GPR35: variants seen among roughly 807,000 people sequenced by gnomAD.
The protein encoded by GPR35 is KYNA receptor.
For missense variants in GPR35, 372 were observed against 422.5 expected, an observed-to-expected ratio of 0.88 and a Z score of 1.05; for synonymous variants, 207 against 198.4, an observed-to-expected ratio of 1.04 and a Z score of -0.36.
At chr2:240,621,116 CCA>C (rs1377945615), upstream of GPR35, among the ~76,000 whole-genome samples, 10 of 152,212 alleles carry the variant, frequency 6.6e-5, no homozygotes, top group Non-Finnish European at 1.5e-5. Flanking sequence ...AACTGAGCCC[CCA>C]CACAGAGGAC....
chr2:240,630,507 CGTG>C lies in GPR35; in HGVS notation c.561_563del (p.Val188del), dbSNP rs2043430650. 6.2e-7 allele frequency: 1 copy of C among 1,612,856 alleles called. No homozygotes were observed. The highest frequency in any genetic ancestry group is 1.3e-5 in the African/African-American group (1 of 74,928). ...TGCTGGGATTCTACCTGCCCCTGGCCGTGGTGGTCTTCTGCTCCCTGAAGGTGG... is the reference window on the plus strand; with the variant it reads ...TGCTGGGATTCTACCTGCCCCTGGCCGTGGTCTTCTGCTCCCTGAAGGTGG... On this transcript the variant is annotated inframe_deletion, in exon 2 of 2. Transcript: ENST00000407714.
upstream of GPR35, among the ~76,000 whole-genome samples, chr2:240,623,092 C>G (rs1226561949): frequency 6.6e-6 from 1 of 152,188 alleles, no homozygotes; most frequent in Admixed American, 6.5e-5. Context: ...GACTGAGCAC[C>G]TGATATGTCC....
chr2:240,620,572 A>G (rs367823896), upstream of GPR35, among the ~76,000 whole-genome samples: 2 of 151,958 alleles, frequency 1.3e-5, no homozygotes, highest in East Asian at 1.9e-4. Context: ...GCCCCTCAGG[A>G]TCCCTTCCAG....
At chr2:240,616,037 G>A (rs1012216444) in intron 2 of GPR35, among the ~76,000 whole-genome samples, 2 of 152,160 alleles carry the variant, frequency 1.3e-5, no homozygotes, top group Non-Finnish European at 2.9e-5. Context: ...TGCCCCAGAC[G>A]GCACTTTCCA....
rs2043245011 is a variant in GPR35 at position 240,616,922 on chromosome 2, A to G, written c.-452-168A>G. 6.5e-6 allele frequency: 5 copies of G among 768,668 alleles called. No individual in the cohort carries two copies. The South Asian group carries it at 6.9e-5, about 11-fold the overall frequency. The allele number at this position is 768,668 out of a possible 1,614,324, so 47.6% of individuals were successfully genotyped here. ...AAGGAACTGAGGGCAGGAACCAGGG[A>G]AGATTTGGGGTCCTCAGGCCAGCTG... is the stretch of plus-strand genomic sequence containing the variant. On this transcript the variant is annotated intron_variant, in intron 3 of 5. Coordinates refer to the GPR35 transcript ENST00000319838.
In GPR35 at chr2:240,625,696, T is replaced by C. The variant is rs74987606; in HGVS notation, c.-5+128T>C. 8.0e-3 allele frequency: 1,621 copies of C among 203,850 alleles called. 12 individuals carry two copies. The highest frequency in any genetic ancestry group is 0.025 in the East Asian group (75 of 2,958). The allele number at this position is 203,850 out of a possible 1,614,324, so 12.6% of individuals were successfully genotyped here. On this transcript the variant is annotated intron_variant, in intron 1 of 1. Coordinates refer to ENST00000407714, the MANE Select transcript of GPR35 (RefSeq NM_005301.5). ...GCTATGATGGGGTCTCAGAGTGGGG[T>C]GAGGCTGTGACGGGGGTTCTCAGAG...
intron 2 of GPR35, among the ~76,000 whole-genome samples, chr2:240,608,496 A>G (rs571349542): frequency 1.3e-5 from 2 of 152,282 alleles, no homozygotes; most frequent in East Asian, 1.9e-4. Flanking sequence ...ATTTTGTCAA[A>G]TATTTTTCTG....
chr2:240,613,350 G>A (rs761875376), intron 2 of GPR35, among the ~76,000 whole-genome samples: 17 of 152,112 alleles, frequency 1.1e-4, no homozygotes, highest in Non-Finnish European at 1.9e-4. Context: ...GCATTTGAGT[G>A]CAAGTGTGTA....
At chr2:240,616,355 G>T (rs1047030264) in intron 2 of GPR35, 2 of 744,430 alleles carry the variant, frequency 2.7e-6, no homozygotes, top group African/African-American at 1.7e-5. Flanking sequence ...TTAGTTGGCA[G>T]CTTCCTCCTC....
At chr2:240,621,488 C>G (rs1045454296), upstream of GPR35, among the ~76,000 whole-genome samples, 1 of 152,126 alleles carries the variant, frequency 6.6e-6, no homozygotes, top group South Asian at 2.1e-4. Flanking sequence ...CTCCTGACCT[C>G]GTGATCCCCC....
intron 4 of GPR35, chr2:240,617,661 T>A (rs957831714): frequency 1.1e-5 from 2 of 178,064 alleles, no homozygotes; most frequent in East Asian, 1.4e-4. Flanking sequence ...TATAAAATAA[T>A]GAACTGTTTT....
At chr2:240,620,329 C>G (rs956037906) in intron 5 of GPR35, among the ~76,000 whole-genome samples, 1 of 152,160 alleles carries the variant, frequency 6.6e-6, no homozygotes, top group African/African-American at 2.4e-5. Flanking sequence ...GGCCAGATGC[C>G]TCGACACCCC....
chr2:240,625,801 G>GT (rs1297571383), intron 1 of GPR35, among the ~76,000 whole-genome samples: 2 of 128,352 alleles, frequency 1.6e-5, no homozygotes, highest in Non-Finnish European at 1.7e-5. Flanking sequence ...CTGTGATGGG[G>GT]TCTCAGAGTG....
At chr2:240,625,603 C>G (rs1224420142) in intron 1 of GPR35, 35 bp downstream of exon 1, 1 of 935,694 alleles carries the variant, frequency 1.1e-6, no homozygotes, top group Non-Finnish European at 1.3e-6. Flanking sequence ...GGCCTCCCAG[C>G]GGGGCAGGGG....
chr2:240,629,929 G>A lies in GPR35; in HGVS notation c.-4-20G>A, dbSNP rs764257277. ...CCCTGCTCACTCTCTGCTGACCTCC[G>A]GCTCCCTGTGCTGCCCCAGGACCAT... On this transcript the variant is annotated intron_variant, in intron 1 of 1. Coordinates refer to ENST00000407714, the MANE Select transcript of GPR35 (RefSeq NM_005301.5). The A allele has an allele frequency of 2.2e-5, 35 of 1,580,104 alleles. No individual in the cohort carries two copies. In the Middle Eastern group the frequency reaches 5.0e-4, roughly 23 times the overall value.
At chr2:240,615,193 G>A (rs888226147) in intron 2 of GPR35, among the ~76,000 whole-genome samples, 7 of 152,088 alleles carry the variant, frequency 4.6e-5, no homozygotes, top group Admixed American at 6.5e-5. Context: ...CAGGCCCTTC[G>A]AGCCCAAGTG....
At chr2:240,613,675 A>G (rs1037901389) in intron 2 of GPR35, among the ~76,000 whole-genome samples, 1 of 151,714 alleles carries the variant, frequency 6.6e-6, no homozygotes, top group Non-Finnish European at 1.5e-5. Context: ...CCTTAACCCT[A>G]AACCTAACCA....
intron 3 of GPR35, chr2:240,616,587 G>A: frequency 1.4e-6 from 1 of 725,874 alleles, no homozygotes; most frequent in East Asian, 2.5e-5. Flanking sequence ...CATGATATCT[G>A]GTGGTCTCTT....
Position 240,630,573 on chromosome 2 carries a change from G to T in GPR35, c.621G>T (p.Gly207=), listed in dbSNP as rs1559440849. The T allele has an allele frequency of 2.5e-6, 4 of 1,612,828 alleles. No homozygotes were observed. The highest frequency in any genetic ancestry group is 1.1e-5 in the South Asian group (1 of 91,068). ...ALAQRPPTDV[G]QAEATRKAAR... is the part of the protein sequence containing the mutation. ...CCCAGAGGCCACCCACCGACGTGGG[G>T]CAGGCAGAGGCCACCCGCAAGGCTG... Residue 207 remains glycine (G), a synonymous_variant, in exon 2 of 2, where the codon GGG becomes GGT. Transcript: ENST00000407714.
Sources: gnomAD v4.1 joint callset for allele counts (sites outside exome capture counted in the v4.1 genomes callset) on GRCh38, gnomAD v4.1.1 for gene constraint, MANE v1.5 for transcripts, NCBI Gene and HGNC (gene_info 2026-07-23, HGNC 2026-07-21) for gene names.